The following PKNOX1 variants were observed in gnomAD, a reference collection of about 807,000 sequenced individuals.
PKNOX1 encodes the protein PBX/knotted 1 homeobox 1, also known as homeobox protein PKNOX1.
A neutral mutation model predicts 51.9 loss-of-function variants in PKNOX1; 15 were observed. The observed-to-expected ratio is 0.29, with a 90% CI of 0.19 to 0.45. The LOEUF (loss-of-function observed/expected upper bound fraction) is 0.45. Among genes scored for constraint, PKNOX1 ranks in the 20% least tolerant of loss-of-function variants. The pLI, the probability that PKNOX1 is intolerant of heterozygous loss-of-function variation, is 1.00. For missense variants in PKNOX1, 462 were observed against 547.5 expected (o/e 0.84, Z 1.56); for synonymous variants, 219 against 211.1 (o/e 1.04, Z -0.32).
intron 1 of PKNOX1, among the ~76,000 whole-genome samples, chr21:42,978,396 T>G (rs2059008459): frequency 6.6e-6 from 1 of 152,150 alleles, no homozygotes; most frequent in African/African-American, 2.4e-5. Flanking sequence ...TTTCAAAAAT[T>G]TGTGTATGTA....
At chr21:42,978,248 G>A (rs413330) in intron 1 of PKNOX1, among the ~76,000 whole-genome samples, 54,239 of 151,452 alleles carry the variant, frequency 0.36, 9,981 homozygotes, top group African/African-American at 0.41. Flanking sequence ...CAAGTGATCC[G>A]CCCGCCTTGG....
intron 1 of PKNOX1, among the ~76,000 whole-genome samples, chr21:42,994,734 T>A (rs997404313): frequency 4.6e-5 from 7 of 152,084 alleles, no homozygotes; most frequent in Non-Finnish European, 1.0e-4. Context: ...AATGGTGATA[T>A]TTATGCTGTG....
chr21:42,989,072 C>T (rs950548138), intron 1 of PKNOX1, among the ~76,000 whole-genome samples: 2 of 152,198 alleles, frequency 1.3e-5, no homozygotes, highest in Non-Finnish European at 2.9e-5. Context: ...TAGAATCTCC[C>T]TCATCCCTTC....
At chr21:43,007,959 G>A (rs1979069941) in intron 3 of PKNOX1, among the ~76,000 whole-genome samples, 1 of 151,924 alleles carries the variant, frequency 6.6e-6, no homozygotes, top group Non-Finnish European at 1.5e-5. Flanking sequence ...AGCTACTTGG[G>A]AGGCTGAGGC....
At chr21:43,014,868 A>C (rs1979420570) in intron 5 of PKNOX1, among the ~76,000 whole-genome samples, 3 of 152,238 alleles carry the variant, frequency 2.0e-5, no homozygotes, top group Admixed American at 2.0e-4. Context: ...CTGTCCACAT[A>C]AATTTTAGAA....
chr21:42,988,898 G>A lies in PKNOX1; in HGVS notation c.-57+14234G>A, dbSNP rs911256205. On this transcript the variant is annotated intron_variant, in intron 1 of 10. Coordinates refer to ENST00000291547, the MANE Select transcript of PKNOX1 (RefSeq NM_004571.5). The stretch of plus-strand genomic sequence containing the variant: ...TGGCTTCTCAGGCTGGGGACCCTGC[G>A]GGCTGGATGAGGACCCCTCACTGGT... 3.4e-5 allele frequency among the ~76,000 whole-genome samples: 5 copies of A among 147,860 alleles called. No individual in the cohort carries two copies. In the East Asian group the frequency reaches 8.0e-4, roughly 24 times the overall value.
At chr21:43,011,783 C>T (rs1193771908) in intron 4 of PKNOX1, among the ~76,000 whole-genome samples, 1 of 152,182 alleles carries the variant, frequency 6.6e-6, no homozygotes, top group African/African-American at 2.4e-5. Flanking sequence ...ATTATATACT[C>T]GATGCTTACC....
chr21:43,030,258 CAAGTGTGTGTGT>C lies in PKNOX1; in HGVS notation c.*158_*169del, dbSNP rs1187612888. Reference sequence around the variant, plus strand: ...TCTTTGCCGGTGCAGCGACTTCTTTCAAGTGTGTGTGTGTGTGTGTGTGTGTGTGTGTGTGCG... The same window carrying C: ...TCTTTGCCGGTGCAGCGACTTCTTTCGTGTGTGTGTGTGTGTGTGTGTGCG... On this transcript the variant is annotated 3_prime_UTR_variant, in exon 11 of 11. Transcript: ENST00000291547. The C allele has an allele frequency of 5.5e-6, 3 of 549,934 alleles. No homozygotes were observed. The highest frequency in any genetic ancestry group is 2.4e-5 in the African/African-American group (1 of 41,782). The allele number at this position is 549,934 out of a possible 1,614,324, so 34.1% of individuals were successfully genotyped here. A position where few individuals can be genotyped will look rare whatever the true frequency, so the allele number is the denominator to read the frequency against.
intron 10 of PKNOX1, 127 bp from the exon 11 acceptor site, chr21:43,029,763 T>C: frequency 1.2e-6 from 1 of 818,474 alleles, no homozygotes; most frequent in Non-Finnish European, 2.0e-6. Context: ...TGTTGAACAT[T>C]CCCTAAACAT....
Position 43,007,549 on chromosome 21 carries a change from CAGA to C in PKNOX1, c.113_115del (p.Glu38del). 1.9e-6 allele frequency: 3 copies of C among 1,613,960 alleles called. No individual in the cohort carries two copies. The highest frequency in any genetic ancestry group is 1.3e-5 in the African/African-American group (1 of 75,030). ...GATCCAAACTGCTCTGAACCCGATG[CAGA>C]AGGAGTGAGCCCTCCCCCTGTGGAG... On this transcript the variant is annotated inframe_deletion, in exon 3 of 11. Coordinates refer to ENST00000291547, the MANE Select transcript of PKNOX1 (RefSeq NM_004571.5).
At chr21:42,997,488 C>A (rs1259539534) in intron 1 of PKNOX1, among the ~76,000 whole-genome samples, 4 of 152,204 alleles carry the variant, frequency 2.6e-5, no homozygotes, top group Non-Finnish European at 4.4e-5. Flanking sequence ...TGAAGTCAAG[C>A]AAATTATGTG....
chr21:43,000,655 G>A (rs893896370), intron 1 of PKNOX1, among the ~76,000 whole-genome samples: 2 of 152,174 alleles, frequency 1.3e-5, no homozygotes, highest in African/African-American at 4.8e-5. Flanking sequence ...GGGAGGCTGA[G>A]GCAGGAGAAT....
intron 1 of PKNOX1, among the ~76,000 whole-genome samples, chr21:43,002,413 C>T (rs1162958639): frequency 2.9e-5 from 3 of 103,050 alleles, no homozygotes; most frequent in Non-Finnish European, 5.8e-5. Context: ...TGCCCCCTCC[C>T]TTGTATCCAC....
Position 43,013,309 on chromosome 21 carries a change from C to T in PKNOX1, c.522+71C>T, listed in dbSNP as rs988003864. 2.6e-5 allele frequency: 29 copies of T among 1,127,178 alleles called. No homozygotes were observed. The Middle Eastern group carries it at 2.1e-3, about 81-fold the overall frequency. The allele number at this position is 1,127,178 out of a possible 1,614,324, so 69.8% of individuals were successfully genotyped here. The stretch of plus-strand genomic sequence containing the variant: ...CATCTGCATTGAGTCATGAGACCAC[C>T]AGCTCTTTCAGAATTCACTGGGTCA... On this transcript the variant is annotated intron_variant, in intron 5 of 10. Transcript: ENST00000291547.
At chr21:42,985,643 A>G (rs1568887943) in intron 1 of PKNOX1, among the ~76,000 whole-genome samples, 1 of 151,712 alleles carries the variant, frequency 6.6e-6, no homozygotes, top group Non-Finnish European at 1.5e-5. Flanking sequence ...CCAGGGTCTT[A>G]AAACTTTGAT....
At position 43,021,205 on chromosome 21, in the gene PKNOX1, C is replaced by T; in HGVS notation, c.721-98C>T. On this transcript the variant is annotated intron_variant, in intron 7 of 10. Coordinates refer to ENST00000291547, the MANE Select transcript of PKNOX1 (RefSeq NM_004571.5). The surrounding 1 kb of genome is among the most constrained non-coding windows in gnomAD (Gnocchi z 4.6). ...ATGGGCCTCGACTACAATCATTTCC[C>T]TGTCCGATCCTTGGCTGTTTTCTCC... The T allele has an allele frequency of 1.0e-6, 1 of 987,026 alleles. No homozygotes were observed. The highest frequency in any genetic ancestry group is 1.7e-5 in the South Asian group (1 of 60,474). 61.1% of individuals were successfully genotyped at this position (987,026 alleles called of 1,614,324 possible). A position where few individuals can be genotyped will look rare whatever the true frequency, so the allele number is the denominator to read the frequency against.
At chr21:43,002,593 C>T (rs780365416) in intron 1 of PKNOX1, among the ~76,000 whole-genome samples, 1 of 152,216 alleles carries the variant, frequency 6.6e-6, no homozygotes, top group Non-Finnish European at 1.5e-5. Context: ...AGTGGCATCA[C>T]AGCAGTGCCT....
rs773525904 is a variant in PKNOX1 at position 43,029,911 on chromosome 21, C to T, written c.1121C>T (p.Thr374Met). The change falls in exon 11 of 11, where the codon ACG (threonine) becomes ATG (methionine). Residue 374 changes from threonine (T) to methionine (M), a missense_variant. Thr to Met is a moderately conservative substitution (Grantham distance 81). This residue lies in a region of PKNOX1 where 118 missense variants were observed against 116.8 expected (regional missense o/e 1.01). Coordinates refer to ENST00000291547, the MANE Select transcript of PKNOX1 (RefSeq NM_004571.5). ...GCAGGAGCTGTTGTCACCATCACCA[C>T]GCCCGTGAACATGAACGTGGACAGC... ...MSEGAVVTIT[T>M]PVNMNVDSLQ... 1.1e-5 allele frequency: 18 copies of T among 1,613,956 alleles called. No homozygotes were observed. Among genetic ancestry groups the T allele is most frequent in the Non-Finnish European group, 1.4e-5 (17 of 1,179,926 alleles).
At chr21:42,995,700 T>C (rs1336996395) in intron 1 of PKNOX1, among the ~76,000 whole-genome samples, 1 of 152,064 alleles carries the variant, frequency 6.6e-6, no homozygotes, top group Non-Finnish European at 1.5e-5. Flanking sequence ...ATGAAATGTA[T>C]CTTGTGGCAG....
Sources: allele counts gnomAD v4.1 joint callset (sites outside exome capture counted in the v4.1 genomes callset), GRCh38; gene constraint gnomAD v4.1.1; regional missense constraint gnomAD v4.1.1; non-coding constraint Gnocchi (gnomAD v3.1); transcripts MANE v1.5; gene names NCBI Gene and HGNC (gene_info 2026-07-23, HGNC 2026-07-21).